The following DPP10 variants were observed in gnomAD, a reference collection of about 807,000 sequenced individuals.
DPP10 encodes the protein dipeptidyl peptidase like 10.
Under a neutral mutation model 120.9 loss-of-function variants are expected in DPP10, and 33 were observed. The observed-to-expected ratio is 0.27, with a 90% CI of 0.21 to 0.37. The LOEUF is 0.37. Among genes scored for constraint, DPP10 ranks in the 10% least tolerant of loss-of-function variants. DPP10 has a pLI of 1.00. For missense variants in DPP10, 816 were observed against 942.8 expected, an observed-to-expected ratio of 0.87 and a Z score of 1.76; for synonymous variants, 337 against 326.1, an observed-to-expected ratio of 1.03 and a Z score of -0.36.
At chr2:115,729,798 A>C (rs2092855891) in intron 8 of DPP10, among the ~76,000 whole-genome samples, 1 of 63,682 alleles carries the variant, frequency 1.6e-5, no homozygotes, top group South Asian at 8.4e-4. Context: ...GAGAGAGAGA[A>C]AAAGAGAGAG....
chr2:115,433,868 G>A (rs1002524591), intron 3 of DPP10, among the ~76,000 whole-genome samples: 2 of 151,850 alleles, frequency 1.3e-5, no homozygotes, highest in African/African-American at 4.8e-5. Context: ...CAGATATCAC[G>A]ATTACCATGC....
intron 5 of DPP10, among the ~76,000 whole-genome samples, chr2:115,634,736 C>T (rs1218911370): frequency 6.6e-6 from 1 of 152,176 alleles, no homozygotes; most frequent in East Asian, 1.9e-4. Context: ...TTGGCTGCTC[C>T]TTGGTGGAGG....
chr2:115,672,642 T>TTCTTTCTTTCTC lies in DPP10; in HGVS notation c.442-17042_442-17041insTTCTTTCTCTCT, dbSNP rs1553475900. On this transcript the variant is annotated intron_variant, in intron 5 of 25. Transcript: ENST00000410059. ...GCCCCTTCTTTCTTTCTTTCTTTCT[T>TTCTTTCTTTCTC]TCTCTCTCTCTTTCTTTCTTTCTTT... Among the ~76,000 whole-genome samples, 917 of 141,698 alleles carry TTCTTTCTTTCTC rather than the reference T, an allele frequency of 6.5e-3. 20 individuals are homozygous for TTCTTTCTTTCTC. The highest frequency in any genetic ancestry group is 0.024 in the African/African-American group (879 of 36,750). The allele number at this position is 141,698 out of a possible 152,430, so 93.0% of individuals were successfully genotyped here.
At chr2:115,369,752 A>G (rs569166907) in intron 3 of DPP10, among the ~76,000 whole-genome samples, 2 of 152,230 alleles carry the variant, frequency 1.3e-5, no homozygotes, top group South Asian at 4.1e-4. Context: ...AGATTGAGGC[A>G]ACAATAGTCT....
intron 1 of DPP10, among the ~76,000 whole-genome samples, chr2:114,813,770 T>C (rs1384551550): frequency 3.9e-5 from 6 of 152,042 alleles, no homozygotes; most frequent in Admixed American, 1.3e-4. Context: ...AGGAAACCAC[T>C]TTCAGTGGGA....
At chr2:115,440,223 CAAG>C (rs2071903655) in intron 3 of DPP10, among the ~76,000 whole-genome samples, 1 of 151,846 alleles carries the variant, frequency 6.6e-6, no homozygotes, top group African/African-American at 2.4e-5. Context: ...AGTTGAATAA[CAAG>C]AGAAGTTTTT....
chr2:115,097,354 G>C (rs754263227), intron 1 of DPP10, among the ~76,000 whole-genome samples: 9 of 152,096 alleles, frequency 5.9e-5, no homozygotes, highest in Admixed American at 2.6e-4. Context: ...GAATTCTAAT[G>C]TGAAGATCTT....
intron 1 of DPP10, chr2:114,828,540 A>G (rs1159962496): frequency 1.3e-5 from 2 of 152,222 alleles, no homozygotes; most frequent in African/African-American, 4.8e-5. Flanking sequence ...GATGGAGGTA[A>G]CTTAAACTAC....
At chr2:114,735,780 AATT>A (rs1483647290) in intron 1 of DPP10, among the ~76,000 whole-genome samples, 2 of 151,932 alleles carry the variant, frequency 1.3e-5, no homozygotes, top group Non-Finnish European at 2.9e-5. Context: ...GCAGTTTGTT[AATT>A]ATTTTTTTCT....
chr2:114,758,837 A>G (rs1468776362), intron 1 of DPP10, among the ~76,000 whole-genome samples: 1 of 152,218 alleles, frequency 6.6e-6, no homozygotes, highest in East Asian at 1.9e-4. Flanking sequence ...AAGGGTCAGA[A>G]AATAAGGTTT....
intron 1 of DPP10, among the ~76,000 whole-genome samples, chr2:114,899,216 T>A (rs1363358141): frequency 6.6e-6 from 1 of 152,036 alleles, no homozygotes; most frequent in Non-Finnish European, 1.5e-5. Flanking sequence ...GCATGTATTT[T>A]ACAGCTAGTT....
intron 3 of DPP10, among the ~76,000 whole-genome samples, chr2:115,402,916 T>G (rs2068202494): frequency 7.1e-6 from 1 of 140,890 alleles, no homozygotes; most frequent in African/African-American, 2.8e-5. Flanking sequence ...TATATATGTG[T>G]GTATATATAT....
intron 3 of DPP10, among the ~76,000 whole-genome samples, chr2:115,352,127 T>A (rs1363390616): frequency 1.3e-5 from 2 of 152,226 alleles, no homozygotes; most frequent in Non-Finnish European, 2.9e-5. Context: ...AATATATTTC[T>A]ATCACCTAGG....
chr2:114,680,820 G>T (rs1698978282), intron 1 of DPP10, among the ~76,000 whole-genome samples: 2 of 151,900 alleles, frequency 1.3e-5, no homozygotes, highest in African/African-American at 4.8e-5. Flanking sequence ...AAACAAGCAT[G>T]GTGTCAGGAC....
intron 1 of DPP10, among the ~76,000 whole-genome samples, chr2:114,829,548 T>C (rs1686886975): frequency 6.6e-6 from 1 of 150,428 alleles, no homozygotes; most frequent in African/African-American, 2.4e-5. Flanking sequence ...TTTTTTTTTT[T>C]GTATTTTTGG....
chr2:114,501,793 G>T (rs1449206208), intron 1 of DPP10, among the ~76,000 whole-genome samples: 2 of 152,086 alleles, frequency 1.3e-5, no homozygotes, highest in East Asian at 3.9e-4. Flanking sequence ...GGTGTCATAT[G>T]ATAAAATATT....
intron 1 of DPP10, among the ~76,000 whole-genome samples, chr2:115,195,192 A>C (rs542966801): frequency 4.6e-5 from 7 of 152,176 alleles, no homozygotes; most frequent in Non-Finnish European, 1.0e-4. Flanking sequence ...TTTGGATTCA[A>C]TGTGGGTGGC....
At chr2:114,975,109 A>G (rs1352564384) in intron 1 of DPP10, among the ~76,000 whole-genome samples, 1 of 150,784 alleles carries the variant, frequency 6.6e-6, no homozygotes, top group Non-Finnish European at 1.5e-5. Context: ...GCGCGATCTC[A>G]GCTCACTGCA....
chr2:114,996,490 C>T (rs1558968404), intron 1 of DPP10, among the ~76,000 whole-genome samples: 1 of 152,096 alleles, frequency 6.6e-6, no homozygotes, highest in African/African-American at 2.4e-5. Flanking sequence ...TTATATGAAA[C>T]ACATACTGAA....
Sources: allele counts gnomAD v4.1 joint callset (sites outside exome capture counted in the v4.1 genomes callset), GRCh38; gene constraint gnomAD v4.1.1; transcripts MANE v1.5; gene names NCBI Gene and HGNC (gene_info 2026-07-23, HGNC 2026-07-21).